The following ZNF763 variants were observed in gnomAD, a reference collection of about 807,000 sequenced individuals.
The protein encoded by ZNF763 is zinc finger protein 763, also known as DNA-binding protein.
ZNF763 carries 33 observed loss-of-function variants against 38.0 expected under a neutral mutation model. The ratio of observed to expected loss-of-function variants is 0.87; its 90% confidence interval spans 0.66 to 1.16. The LOEUF (loss-of-function observed/expected upper bound fraction) is 1.16, where lower values mean the gene tolerates loss of function less well. Ranked by LOEUF, ZNF763 falls within the 50% of genes most tolerant of loss-of-function variation. The pLI, the probability that ZNF763 is intolerant of heterozygous loss-of-function variation, is 0.00. For missense variants in ZNF763, 423 were observed against 469.1 expected (o/e 0.90, Z 0.91); for synonymous variants, 155 against 160.1 (o/e 0.97, Z 0.24).
chr19:11,977,248 TAGAC>T (rs1973514909), intron 2 of ZNF763, 84 bp downstream of exon 2: 8 of 1,605,442 alleles, frequency 5.0e-6, no homozygotes, highest in Non-Finnish European at 6.8e-6. Flanking sequence ...ATTTGGAACA[TAGAC>T]AGGAAATACT....
intron 1 of ZNF763, among the ~76,000 whole-genome samples, chr19:11,974,122 TTTCTTTTC>T (rs1302100692): frequency 0.01 from 608 of 60,052 alleles, 3 homozygotes; most frequent in Admixed American, 0.016. Flanking sequence ...TCTTTCTTTC[TTTCTTTTC>T]TTTCTTTCTT....
chr19:11,979,626 A>G lies in ZNF763; in HGVS notation c.*517A>G. On this transcript the variant is annotated 3_prime_UTR_variant, in exon 4 of 4. Transcript: ENST00000358987. ...AGGACTCACACTGGAGAGAAACCCT[A>G]TGAGTGTAAGCAATGTGGGAAAGCC... 2.5e-6 allele frequency: 4 copies of G among 1,605,822 alleles called. No homozygotes were observed. The highest frequency in any genetic ancestry group is 1.1e-5 in the South Asian group (1 of 90,956).
intron 1 of ZNF763, among the ~76,000 whole-genome samples, chr19:11,974,826 C>G (rs1973450123): frequency 6.6e-6 from 1 of 152,112 alleles, no homozygotes; most frequent in African/African-American, 2.4e-5. Flanking sequence ...TGATCTTAAA[C>G]TGCTGACCTC....
chr19:11,966,867 C>G (rs1009606933), intron 1 of ZNF763, among the ~76,000 whole-genome samples: 2 of 152,090 alleles, frequency 1.3e-5, no homozygotes, highest in Non-Finnish European at 2.9e-5. Flanking sequence ...ATGGCCCAAA[C>G]AGGAAAAACA....
In ZNF763 at chr19:11,965,176, A is replaced by T. The variant is rs1233568853; in HGVS notation, c.-33A>T. The T allele has an allele frequency of 6.2e-7, 1 of 1,613,922 alleles. No homozygotes were observed. The highest frequency in any genetic ancestry group is 1.1e-5 in the South Asian group (1 of 91,086). On this transcript the variant is annotated 5_prime_UTR_variant, in exon 1 of 4. Transcript: ENST00000358987. ...GCCCTTCTGTAGTCACAGGAGCTGTAGAGAGGACCCCAGGACATCTGAAAG... is the reference window on the plus strand; with the variant it reads ...GCCCTTCTGTAGTCACAGGAGCTGTTGAGAGGACCCCAGGACATCTGAAAG...
intron 1 of ZNF763, among the ~76,000 whole-genome samples, chr19:11,967,371 A>C (rs952682020): frequency 1.3e-5 from 2 of 152,144 alleles, no homozygotes; most frequent in African/African-American, 4.8e-5. Context: ...GAAAGAGTTG[A>C]AGACCAACCT....
intron 1 of ZNF763, among the ~76,000 whole-genome samples, chr19:11,975,860 C>T (rs1437325313): frequency 6.6e-6 from 1 of 151,856 alleles, no homozygotes; most frequent in Non-Finnish European, 1.5e-5. Context: ...ATATATACAC[C>T]TGGATATAAA....
rs1432519380 is a variant in ZNF763 at position 11,978,927 on chromosome 19, A to G, written c.1003A>G (p.Thr335Ala). ...RSYLRHKRSHTGEKPYQCKEC... is the reference protein window; with the variant it reads ...RSYLRHKRSHAGEKPYQCKEC... Reference sequence around the variant, plus strand: ...CTATCTTAGACATAAAAGGAGTCACACGGGAGAGAAGCCTTATCAATGTAA... The same window carrying G: ...CTATCTTAGACATAAAAGGAGTCACGCGGGAGAGAAGCCTTATCAATGTAA... The change falls in exon 4 of 4, where the codon ACG becomes GCG. Residue 335 changes from threonine to alanine, a missense_variant. Thr to Ala is a moderately conservative substitution (Grantham distance 58, BLOSUM62 0). Transcript: ENST00000358987. The G allele has an allele frequency of 2.5e-6, 4 of 1,614,200 alleles. No homozygotes were observed. Among genetic ancestry groups the G allele is most frequent in the Non-Finnish European group, 1.7e-6 (2 of 1,180,026 alleles).
intron 1 of ZNF763, among the ~76,000 whole-genome samples, chr19:11,970,281 G>A (rs1220474903): frequency 6.6e-6 from 1 of 152,244 alleles, no homozygotes; most frequent in Non-Finnish European, 1.5e-5. Context: ...CAACAAGGAT[G>A]TATTTAGCTG....
At chr19:11,967,677 A>G (rs1048524552) in intron 1 of ZNF763, among the ~76,000 whole-genome samples, 11 of 152,200 alleles carry the variant, frequency 7.2e-5, no homozygotes, top group African/African-American at 2.7e-4. Flanking sequence ...TGCTGGGATT[A>G]CAGGCGTGAG....
intron 1 of ZNF763, among the ~76,000 whole-genome samples, chr19:11,969,389 G>A (rs1453020642): frequency 6.6e-6 from 1 of 152,222 alleles, no homozygotes; most frequent in African/African-American, 2.4e-5. Flanking sequence ...ACAGGTGGGA[G>A]TCACTGCACC....
At position 11,979,537 on chromosome 19, in the gene ZNF763, AC is replaced by A. The variant is rs1476768887; in HGVS notation, c.*431del. On this transcript the variant is annotated 3_prime_UTR_variant, in exon 4 of 4. Coordinates refer to ENST00000358987, the MANE Select transcript of ZNF763 (RefSeq NM_001367172.2). The stretch of plus-strand genomic sequence containing the variant: ...ATGAAAAAACTCACACTGCAGAGAA[AC>A]CCTATGAATGCAAGCAATGTGGTAA... 6.2e-7 allele frequency: 1 copy of A among 1,603,392 alleles called. No homozygotes were observed. The highest frequency in any genetic ancestry group is 8.5e-7 in the Non-Finnish European group (1 of 1,172,884).
intron 1 of ZNF763, among the ~76,000 whole-genome samples, chr19:11,972,189 G>A (rs186442622): frequency 3.3e-5 from 5 of 152,214 alleles, no homozygotes; most frequent in African/African-American, 1.2e-4. Context: ...GGAGGCTGAG[G>A]TAGAAGGATC....
chr19:11,974,507 A>T (rs1484925418), intron 1 of ZNF763, among the ~76,000 whole-genome samples: 1 of 147,956 alleles, frequency 6.8e-6, no homozygotes, highest in African/African-American at 2.5e-5. Flanking sequence ...GTTTTAATTT[A>T]CTCTTTAATA....
At chr19:11,967,105 C>T (rs947795733) in intron 1 of ZNF763, among the ~76,000 whole-genome samples, 2 of 152,148 alleles carry the variant, frequency 1.3e-5, no homozygotes, top group Non-Finnish European at 2.9e-5. Context: ...AAGGCCAAGG[C>T]GGGAGGATCA....
In ZNF763 at chr19:11,979,660, T is replaced by G; in HGVS notation, c.*551T>G. On this transcript the variant is annotated 3_prime_UTR_variant, in exon 4 of 4. Coordinates refer to ENST00000358987, the MANE Select transcript of ZNF763 (RefSeq NM_001367172.2). Reference sequence around the variant, plus strand: ...AGCAATGTGGGAAAGCCTTCAGATCTGCCTCAATCCTTCAAATGCATGCTG... The same window carrying G: ...AGCAATGTGGGAAAGCCTTCAGATCGGCCTCAATCCTTCAAATGCATGCTG... The G allele has an allele frequency of 2.5e-6, 4 of 1,604,720 alleles. No homozygotes were observed. The highest frequency in any genetic ancestry group is 3.4e-6 in the Non-Finnish European group (4 of 1,173,352).
At chr19:11,966,171 G>A (rs1973224816) in intron 1 of ZNF763, among the ~76,000 whole-genome samples, 1 of 152,182 alleles carries the variant, frequency 6.6e-6, no homozygotes, top group South Asian at 2.1e-4. Flanking sequence ...CTTGCCACAA[G>A]GAGTCTGTTT....
chr19:11,977,237 C>G, intron 2 of ZNF763, 73 bp downstream of exon 2: 2 of 1,606,524 alleles, frequency 1.2e-6, no homozygotes, highest in African/African-American at 1.3e-5. Context: ...GCTGTTGAGT[C>G]ATTTGGAACA....
chr19:11,974,155 T>TTTCC (rs1228736086), intron 1 of ZNF763, among the ~76,000 whole-genome samples: 17 of 115,786 alleles, frequency 1.5e-4, no homozygotes, highest in South Asian at 5.1e-4. Flanking sequence ...TCTTTCTTTC[T>TTTCC]TTCCTTCCTT....
Sources: gnomAD v4.1 joint callset for allele counts (sites outside exome capture counted in the v4.1 genomes callset) on GRCh38, gnomAD v4.1.1 for gene constraint, MANE v1.5 for transcripts, NCBI Gene and HGNC (gene_info 2026-07-23, HGNC 2026-07-21) for gene names.